TTC29: variants seen among roughly 807,000 people sequenced by gnomAD.
TTC29 encodes tetratricopeptide repeat protein 29.
TTC29 carries 49 observed loss-of-function variants against 58.1 expected under a neutral mutation model. That is an observed-to-expected ratio of 0.84 (90% CI 0.67 to 1.07). The LOEUF is 1.07. Ranked by LOEUF, TTC29 falls within the 50% of genes least tolerant of loss-of-function variation. TTC29 has a pLI of 0.00. For synonymous variants in TTC29, 209 were observed against 196.8 expected (o/e 1.06, Z -0.52); for missense variants, 582 against 555.6 (o/e 1.05, Z -0.48).
intron 7 of TTC29, among the ~76,000 whole-genome samples, chr4:146,871,241 C>T (rs890754460): frequency 2.6e-5 from 4 of 151,752 alleles, no homozygotes; most frequent in African/African-American, 9.7e-5. Context: ...AACACATGAC[C>T]TTCTCAATAG....
intron 11 of TTC29, among the ~76,000 whole-genome samples, chr4:146,720,226 C>G (rs1471602382): frequency 6.6e-6 from 1 of 152,178 alleles, no homozygotes; most frequent in South Asian, 2.1e-4. Flanking sequence ...TAGTAAGACT[C>G]TAAGATGTAA....
chr4:146,720,294 T>C (rs1270122654), intron 11 of TTC29, among the ~76,000 whole-genome samples: 1 of 152,126 alleles, frequency 6.6e-6, no homozygotes, highest in Non-Finnish European at 1.5e-5. Flanking sequence ...ACGAGCTCAG[T>C]ATAAACCTAA....
intron 11 of TTC29, among the ~76,000 whole-genome samples, chr4:146,732,800 C>G (rs1744437387): frequency 6.6e-6 from 1 of 152,030 alleles, no homozygotes; most frequent in Non-Finnish European, 1.5e-5. Flanking sequence ...TAACTGCAAG[C>G]CAAAAGAGGA....
At chr4:146,798,008 A>G (rs1475611939) in intron 11 of TTC29, among the ~76,000 whole-genome samples, 1 of 151,096 alleles carries the variant, frequency 6.6e-6, no homozygotes, top group Non-Finnish European at 1.5e-5. Flanking sequence ...AATAGTTTCT[A>G]TTGCTATGTC....
intron 9 of TTC29, among the ~76,000 whole-genome samples, chr4:146,823,076 T>G (rs1751952067): frequency 6.6e-6 from 1 of 152,242 alleles, no homozygotes; most frequent in African/African-American, 2.4e-5. Flanking sequence ...TGATGATAGT[T>G]TCTTTTGCTA....
At chr4:146,906,757 T>C (rs1436584859) in intron 5 of TTC29, among the ~76,000 whole-genome samples, 1 of 152,244 alleles carries the variant, frequency 6.6e-6, no homozygotes, top group Non-Finnish European at 1.5e-5. Context: ...TAATTTTCTA[T>C]ATTTCAACCA....
At chr4:146,761,669 GT>G (rs71592468) in intron 11 of TTC29, among the ~76,000 whole-genome samples, 2,702 of 127,598 alleles carry the variant, frequency 0.021, 45 homozygotes, top group East Asian at 0.057. Flanking sequence ...AAACAGAGTA[GT>G]TTTTTTTTTT....
intron 9 of TTC29, among the ~76,000 whole-genome samples, chr4:146,825,741 C>A (rs1301065467): frequency 6.6e-6 from 1 of 152,138 alleles, no homozygotes; most frequent in East Asian, 1.9e-4. Flanking sequence ...GAGACTAAGT[C>A]TCTTTCTAGG....
intron 11 of TTC29, among the ~76,000 whole-genome samples, chr4:146,734,432 TTAAG>T (rs1465469962): frequency 2.0e-5 from 3 of 152,044 alleles, no homozygotes; most frequent in Non-Finnish European, 2.9e-5. Flanking sequence ...CCGGTAAACA[TTAAG>T]TGTTTCCCTG....
chr4:146,841,651 C>A (rs767662055), intron 8 of TTC29, among the ~76,000 whole-genome samples: 1 of 151,878 alleles, frequency 6.6e-6, no homozygotes, highest in African/African-American at 2.4e-5. Context: ...CCTGAGTTAA[C>A]TCAATATTTG....
intron 6 of TTC29, among the ~76,000 whole-genome samples, chr4:146,902,786 G>C (rs533701338): frequency 1.3e-5 from 2 of 152,200 alleles, no homozygotes; most frequent in African/African-American, 4.8e-5. Context: ...GCAACTTCCT[G>C]AAGCACTTTC....
At chr4:146,723,611 C>A (rs1004320670) in intron 11 of TTC29, among the ~76,000 whole-genome samples, 3 of 152,092 alleles carry the variant, frequency 2.0e-5, no homozygotes, top group African/African-American at 7.2e-5. Flanking sequence ...TACAAAGAGC[C>A]AACAAACGTA....
intron 12 of TTC29, 36 bp from the exon 13 acceptor site, chr4:146,707,224 C>A (rs1031201107): frequency 2.2e-6 from 3 of 1,355,152 alleles, no homozygotes; most frequent in Admixed American, 4.8e-5. Context: ...AACTTTTATA[C>A]TGGGCTAGAA....
At chr4:146,847,142 G>A (rs1196454703) in intron 8 of TTC29, among the ~76,000 whole-genome samples, 3 of 152,172 alleles carry the variant, frequency 2.0e-5, no homozygotes, top group Admixed American at 1.3e-4. Context: ...TGACAGGAGC[G>A]ACAATGACTG....
At chr4:146,735,338 A>T (rs1458847703) in intron 11 of TTC29, among the ~76,000 whole-genome samples, 1 of 152,164 alleles carries the variant, frequency 6.6e-6, no homozygotes, top group Non-Finnish European at 1.5e-5. Context: ...GATGGGCATC[A>T]TCAGGTTTTT....
At chr4:146,744,534 C>T (rs1012034612) in intron 11 of TTC29, among the ~76,000 whole-genome samples, 1 of 152,108 alleles carries the variant, frequency 6.6e-6, no homozygotes, top group Middle Eastern at 3.2e-3. Context: ...TAAATGCCTG[C>T]AATTTTCCAA....
chr4:146,867,598 T>C lies in TTC29; in HGVS notation c.800-15A>G. On this transcript the variant is annotated splice_polypyrimidine_tract_variant and intron_variant, in intron 7 of 12. Transcript: ENST00000325106. ...TTTGTCACTTCCTGAAGTGAAGATG[T>C]AAAAAAATTACCAAGTATTCAATAA... The C allele has an allele frequency of 7.6e-7, 1 of 1,310,536 alleles. No homozygotes were observed. Among genetic ancestry groups the C allele is most frequent in the Non-Finnish European group, 1.0e-6 (1 of 958,326 alleles). The allele number at this position is 1,310,536 out of a possible 1,614,324, so 81.2% of individuals were successfully genotyped here. A position where few individuals can be genotyped will look rare whatever the true frequency, so the allele number is the denominator to read the frequency against.
At chr4:146,873,296 T>G (rs1273859888) in intron 7 of TTC29, among the ~76,000 whole-genome samples, 1 of 152,176 alleles carries the variant, frequency 6.6e-6, no homozygotes, top group Non-Finnish European at 1.5e-5. Context: ...CTCTGTAAAG[T>G]ATTGTGTAAT....
At chr4:146,801,057 A>G (rs548412237) in intron 11 of TTC29, among the ~76,000 whole-genome samples, 100 of 152,276 alleles carry the variant, frequency 6.6e-4, no homozygotes, top group African/African-American at 2.3e-3. Flanking sequence ...AAAGTAGGTG[A>G]TAATAAACCA....
Sources: gnomAD v4.1 joint callset for allele counts (sites outside exome capture counted in the v4.1 genomes callset) on GRCh38, gnomAD v4.1.1 for gene constraint, MANE v1.5 for transcripts, NCBI Gene and HGNC (gene_info 2026-07-23, HGNC 2026-07-21) for gene names.